Variants in ACMSD observed in about 807,000 individuals in gnomAD.
ACMSD encodes aminocarboxymuconate semialdehyde decarboxylase, also known as 2-amino-3-carboxymuconate-6-semialdehyde decarboxylase.
Under a neutral mutation model 45.9 loss-of-function variants are expected in ACMSD, and 37 were observed. That is an observed-to-expected ratio of 0.81 (90% CI 0.62 to 1.06). The LOEUF is 1.06. ACMSD is among the 50% of genes least tolerant of loss of function. The pLI is 0.00. For synonymous variants in ACMSD, 138 were observed against 148.8 expected (o/e 0.93, Z 0.53); for missense variants, 434 against 420.9 (o/e 1.03, Z -0.27).
At chr2:134,886,000 C>G (rs952818698) in intron 8 of ACMSD, among the ~76,000 whole-genome samples, 4 of 152,052 alleles carry the variant, frequency 2.6e-5, no homozygotes, top group Non-Finnish European at 5.9e-5. Context: ...ACCTTCTAGG[C>G]AATGGAAAAC....
intron 1 of ACMSD, among the ~76,000 whole-genome samples, chr2:134,844,187 A>G (rs10184868): frequency 0.058 from 8,848 of 152,302 alleles, 396 homozygotes; most frequent in African/African-American, 0.13. Context: ...GGCTTTCCAC[A>G]GTTTTTATGC....
At chr2:134,887,306 C>T (rs1236104302) in intron 8 of ACMSD, among the ~76,000 whole-genome samples, 1 of 152,156 alleles carries the variant, frequency 6.6e-6, no homozygotes, top group African/African-American at 2.4e-5. Flanking sequence ...TCAAGGGTTA[C>T]TACAGAACAA....
intron 2 of ACMSD, among the ~76,000 whole-genome samples, chr2:134,851,318 A>C (rs1305988483): frequency 6.6e-6 from 1 of 152,238 alleles, no homozygotes; most frequent in African/African-American, 2.4e-5. Flanking sequence ...TCCTCTGGAT[A>C]TATACCCAGT....
chr2:134,882,714 C>A (rs959866812), intron 8 of ACMSD, among the ~76,000 whole-genome samples: 2 of 152,200 alleles, frequency 1.3e-5, no homozygotes, highest in Non-Finnish European at 2.9e-5. Flanking sequence ...GCTGTATTTA[C>A]TGCAAATGCT....
At chr2:134,875,351 ATTG>A (rs1249986312) in intron 8 of ACMSD, among the ~76,000 whole-genome samples, 1 of 152,202 alleles carries the variant, frequency 6.6e-6, no homozygotes, top group East Asian at 1.9e-4. Context: ...GTAATATTTG[ATTG>A]TTTATGTATA....
chr2:134,850,618 A>T (rs189553583), intron 2 of ACMSD, among the ~76,000 whole-genome samples: 1 of 152,006 alleles, frequency 6.6e-6, no homozygotes, highest in African/African-American at 2.4e-5. Context: ...GCTGAAAGCC[A>T]TTTATCTTGT....
chr2:134,892,347 G>C, intron 8 of ACMSD, among the ~76,000 whole-genome samples: 1 of 151,858 alleles, frequency 6.6e-6, no homozygotes, highest in East Asian at 1.9e-4. Context: ...ATTAATAAAG[G>C]GATTATTGAC....
chr2:134,861,322 C>T (rs573518251), intron 3 of ACMSD, among the ~76,000 whole-genome samples: 5 of 152,226 alleles, frequency 3.3e-5, no homozygotes, highest in East Asian at 1.9e-4. Flanking sequence ...TACGGCTGCA[C>T]GGTAAACGAA....
chr2:134,894,796 T>A (rs1040297732), intron 8 of ACMSD, among the ~76,000 whole-genome samples: 2 of 151,886 alleles, frequency 1.3e-5, no homozygotes, highest in African/African-American at 2.4e-5. Context: ...AGGAAAAAAA[T>A]TTTCTCTACT....
intron 1 of ACMSD, among the ~76,000 whole-genome samples, chr2:134,844,943 T>C (rs981947328): frequency 2.0e-5 from 3 of 152,290 alleles, no homozygotes; most frequent in Admixed American, 2.0e-4. Context: ...AGGTGGCACA[T>C]GAACAATATT....
chr2:134,889,371 T>C (rs780324894), intron 8 of ACMSD, among the ~76,000 whole-genome samples: 1 of 152,124 alleles, frequency 6.6e-6, no homozygotes, highest in East Asian at 1.9e-4. Context: ...CAAAGGAAGC[T>C]AGTCTGCTTG....
intron 8 of ACMSD, among the ~76,000 whole-genome samples, chr2:134,880,973 A>G (rs1689004688): frequency 1.3e-5 from 2 of 152,054 alleles, no homozygotes; most frequent in Non-Finnish European, 1.5e-5. Context: ...CGCCACCCCA[A>G]CCAAAATATC....
At chr2:134,862,050 T>G (rs1343924610) in intron 4 of ACMSD, 32 bp downstream of exon 4, 2 of 1,613,914 alleles carry the variant, frequency 1.2e-6, no homozygotes, top group Non-Finnish European at 1.7e-6. Context: ...ATCTCCTTGG[T>G]GTTGAAGGTT....
chr2:134,864,353 T>C (rs896965853), intron 5 of ACMSD, among the ~76,000 whole-genome samples: 8 of 151,070 alleles, frequency 5.3e-5, no homozygotes, highest in Middle Eastern at 6.9e-3. Context: ...TTATCGAAAA[T>C]ACAGAAAAGT....
chr2:134,860,226 G>A (rs999742202), intron 3 of ACMSD, among the ~76,000 whole-genome samples: 4 of 152,266 alleles, frequency 2.6e-5, no homozygotes, highest in African/African-American at 7.2e-5. Flanking sequence ...TTGCACCACC[G>A]CACTCCAGCC....
chr2:134,887,051 TGAAAAC>T (rs1444590099), intron 8 of ACMSD, among the ~76,000 whole-genome samples: 2 of 152,200 alleles, frequency 1.3e-5, no homozygotes, highest in Non-Finnish European at 2.9e-5. Flanking sequence ...ACCTCTACAC[TGAAAAC>T]TATAAAATAT....
intron 8 of ACMSD, among the ~76,000 whole-genome samples, chr2:134,894,108 T>C (rs964384458): frequency 6.6e-6 from 1 of 151,938 alleles, no homozygotes; most frequent in Admixed American, 6.6e-5. Context: ...GAAAAATATA[T>C]ATAAATATTA....
intron 2 of ACMSD, among the ~76,000 whole-genome samples, chr2:134,847,453 G>T (rs1341665874): frequency 6.7e-6 from 1 of 149,218 alleles, no homozygotes; most frequent in South Asian, 2.1e-4. Context: ...GATAGATATA[G>T]ATAGAGATAG....
chr2:134,899,546 C>CA (rs1321885468), intron 9 of ACMSD, among the ~76,000 whole-genome samples: 3 of 151,716 alleles, frequency 2.0e-5, no homozygotes, highest in East Asian at 3.9e-4. Flanking sequence ...AAACAGAAAC[C>CA]AGATGACCCA....
Sources: allele counts gnomAD v4.1 joint callset (sites outside exome capture counted in the v4.1 genomes callset), GRCh38; gene constraint gnomAD v4.1.1; transcripts MANE v1.5; gene names NCBI Gene and HGNC (gene_info 2026-07-23, HGNC 2026-07-21).